DHX36: variants seen among roughly 807,000 people sequenced by gnomAD.
The protein encoded by DHX36 is ATP-dependent DNA/RNA helicase DHX36.
DHX36 carries 50 observed loss-of-function variants against 139.0 expected under a neutral mutation model. The ratio of observed to expected loss-of-function variants is 0.36; its 90% CI spans 0.29 to 0.46. The LOEUF (loss-of-function observed/expected upper bound fraction) is 0.46, where lower values mean the gene tolerates loss of function less well. DHX36 is among the 20% of genes least tolerant of loss of function. DHX36 has a pLI of 1.00. For synonymous variants in DHX36, 425 were observed against 401.9 expected, an observed-to-expected ratio of 1.06 and a Z score of -0.69; for missense variants, 1,024 against 1,211.3, an observed-to-expected ratio of 0.85 and a Z score of 2.29.
intron 3 of DHX36, among the ~76,000 whole-genome samples, chr3:154,313,495 C>A (rs1199398168): frequency 6.6e-6 from 1 of 151,940 alleles, no homozygotes; most frequent in African/African-American, 2.4e-5. Context: ...GCCTGGGCAA[C>A]AAAGCAAAAC....
chr3:154,316,107 AT>A lies in DHX36; in HGVS notation c.299del (p.Asn100IlefsTer48). The A allele has an allele frequency of 6.2e-7, 1 of 1,613,388 alleles. No homozygotes were observed. The highest frequency in any genetic ancestry group is 8.5e-7 in the Non-Finnish European group (1 of 1,179,570). Reference protein sequence around the residue: ...RREEQIVQLLNSVQAKNDKES... With the variant: ...RREEQIVQLLXSVQAKNDKES... Reference sequence around the variant, plus strand: ...CTTTATCATTCTTCGCTTGAACAGAATTCAGTAACTGTACAATTTGTTCTTC... The same window carrying A: ...CTTTATCATTCTTCGCTTGAACAGAATCAGTAACTGTACAATTTGTTCTTC... On this transcript the variant is annotated frameshift_variant, in exon 2 of 25. Transcript: ENST00000496811. LOFTEE classifies it high-confidence loss of function.
chr3:154,299,630 C>G, intron 12 of DHX36: 2 of 530,636 alleles, frequency 3.8e-6, no homozygotes, highest in South Asian at 3.8e-5. Context: ...AATGAAAAAC[C>G]TCACATACCT....
chr3:154,287,527 T>A (rs1483163870), intron 17 of DHX36, among the ~76,000 whole-genome samples: 1 of 151,816 alleles, frequency 6.6e-6, no homozygotes, highest in Non-Finnish European at 1.5e-5. Context: ...TGGTGGCAGG[T>A]GCCTGTAATC....
intron 3 of DHX36, among the ~76,000 whole-genome samples, chr3:154,313,992 C>T (rs568315390): frequency 1.3e-5 from 2 of 152,082 alleles, no homozygotes; most frequent in Non-Finnish European, 2.9e-5. Context: ...AATAGGAAGA[C>T]CACCAACTTT....
rs1306056824 is a variant in DHX36 at position 154,295,578 on chromosome 3, T to C, written c.1550-239A>G. Among the ~76,000 whole-genome samples the C allele has an allele frequency of 3.9e-5, 6 of 152,194 alleles. No homozygotes were observed. The East Asian group carries it at 5.8e-4, about 15-fold the overall frequency. On this transcript the variant is annotated intron_variant, in intron 12 of 24. Coordinates refer to ENST00000496811, the MANE Select transcript of DHX36 (RefSeq NM_020865.3). ...CAAACAGACCAACTTAATTTCTTTA[T>C]AGTCTTGTTTTCTGAGCGCTCCAAG...
intron 5 of DHX36, among the ~76,000 whole-genome samples, chr3:154,308,578 A>G (rs1035368037): frequency 1.3e-5 from 2 of 152,190 alleles, no homozygotes; most frequent in African/African-American, 4.8e-5. Flanking sequence ...CAGGCTGAGT[A>G]TTCCTTAGCC....
intron 13 of DHX36, among the ~76,000 whole-genome samples, 176 bp downstream of exon 13, chr3:154,295,108 T>C (rs952726474): frequency 1.6e-4 from 24 of 152,174 alleles, no homozygotes; most frequent in African/African-American, 5.6e-4. Context: ...TATTCAAGTT[T>C]TTGAGCAATC....
chr3:154,319,620 T>A (rs900468122), intron 1 of DHX36, among the ~76,000 whole-genome samples: 5 of 152,164 alleles, frequency 3.3e-5, no homozygotes, highest in African/African-American at 1.2e-4. Context: ...GCCACCTCCT[T>A]CACTGAAATT....
chr3:154,295,481 T>G (rs965910003), intron 12 of DHX36, 142 bp from the exon 13 acceptor site: 1 of 430,738 alleles, frequency 2.3e-6, no homozygotes, highest in Non-Finnish European at 4.2e-6. Context: ...TGAAAACAGC[T>G]AAACCATCTG....
intron 12 of DHX36, among the ~76,000 whole-genome samples, chr3:154,295,580 G>T (rs1055480552): frequency 6.6e-6 from 1 of 152,038 alleles, no homozygotes; most frequent in Non-Finnish European, 1.5e-5. Context: ...TTTCTTTATA[G>T]TCTTGTTTTC....
chr3:154,285,060 A>T (rs1711507700), intron 17 of DHX36, 73 bp from the exon 18 acceptor site: 1 of 1,490,632 alleles, frequency 6.7e-7, no homozygotes, highest in Non-Finnish European at 9.2e-7. Context: ...AGCTTGCTTT[A>T]AAAAGAGTAA....
At chr3:154,278,356 A>G (rs2108329976) in intron 22 of DHX36, 1 of 152,216 alleles carries the variant, frequency 6.6e-6, no homozygotes, top group East Asian at 1.9e-4. Context: ...ATTATTCAAC[A>G]GGGAGATGTT....
intron 1 of DHX36, among the ~76,000 whole-genome samples, chr3:154,317,303 C>T (rs956783893): frequency 1.3e-4 from 19 of 151,958 alleles, no homozygotes; most frequent in East Asian, 1.9e-4. Context: ...TGAAATTTCC[C>T]GACTTGTAAT....
chr3:154,300,575 A>G lies in DHX36; in HGVS notation c.1461+19T>C, dbSNP rs139534613. 7 of 1,583,150 alleles carry G rather than the reference A, an allele frequency of 4.4e-6. No homozygotes were observed. Among genetic ancestry groups the G allele is most frequent in the Non-Finnish European group, 5.2e-6 (6 of 1,156,258 alleles). ...AAAATTAAAATTATGTTAACTGAAG[A>G]AAGAAAAATAAAACTAACCTCTTCT... is the stretch of plus-strand genomic sequence containing the variant. On this transcript the variant is annotated intron_variant, in intron 11 of 24. Transcript: ENST00000496811.
At chr3:154,318,461 C>G (rs1336318371) in intron 1 of DHX36, among the ~76,000 whole-genome samples, 1 of 152,072 alleles carries the variant, frequency 6.6e-6, no homozygotes, top group Non-Finnish European at 1.5e-5. Flanking sequence ...ACATTGCCCA[C>G]TTCCTGCCCG....
chr3:154,276,407 A>G, intron 24 of DHX36, 51 bp from the exon 25 acceptor site: 2 of 1,499,730 alleles, frequency 1.3e-6, no homozygotes, highest in Non-Finnish European at 1.8e-6. Context: ...ATATTACCAA[A>G]TAACATAATA....
chr3:154,298,132 C>G lies in DHX36; in HGVS notation c.1549+1706G>C, dbSNP rs538386134. Among the ~76,000 whole-genome samples the G allele has an allele frequency of 2.2e-4, 34 of 152,220 alleles. 1 individual carries two copies. In the South Asian group the frequency reaches 7.0e-3, roughly 32 times the overall value. On this transcript the variant is annotated intron_variant, in intron 12 of 24. Coordinates refer to ENST00000496811, the MANE Select transcript of DHX36 (RefSeq NM_020865.3). ...AAGTGTATACATTAGCAACTCTTTC[C>G]TTGAGAATAATTAATTCAAACTAGA... is the stretch of plus-strand genomic sequence containing the variant.
rs1383483307 is a variant in DHX36, at chr3:154,315,134, T to G, written c.515A>C (p.Gln172Pro). ...YIDRDSEYLL[Q>P]ENEPDGTLDQ... is the part of the protein sequence containing the mutation. ...TAAAGTTCCATCTGGTTCATTTTCT[T>G]GCAAGAGATACTCAGAATCTCGGTC... The change falls in exon 3 of 25, where the codon CAA becomes CCA. Residue 172 changes from glutamine (Q) to proline (P), a missense_variant. Physicochemically the swap from Gln to Pro is moderately conservative, Grantham distance 76. This residue lies in a region of DHX36 where 293 missense variants were observed against 274.4 expected (regional missense o/e 1.07). Transcript: ENST00000496811. 1 of 1,613,512 alleles carries G rather than the reference T, an allele frequency of 6.2e-7. No homozygotes were observed. Among genetic ancestry groups the G allele is most frequent in the African/African-American group, 1.3e-5 (1 of 74,924 alleles).
intron 9 of DHX36, 52 bp from the exon 10 acceptor site, chr3:154,301,179 A>G: frequency 2.0e-6 from 3 of 1,501,418 alleles, no homozygotes; most frequent in Non-Finnish European, 2.7e-6. Flanking sequence ...CTCTAGTTTT[A>G]GCTAAAATCT....
Sources: gnomAD v4.1 joint callset for allele counts (sites outside exome capture counted in the v4.1 genomes callset) on GRCh38, gnomAD v4.1.1 for gene constraint, gnomAD v4.1.1 regional missense constraint, MANE v1.5 for transcripts, NCBI Gene and HGNC (gene_info 2026-07-23, HGNC 2026-07-21) for gene names.